CEACAM19: variants seen among roughly 807,000 people sequenced by gnomAD.
The protein encoded by CEACAM19 is cell adhesion molecule CEACAM19.
A neutral mutation model predicts 37.6 loss-of-function variants in CEACAM19; 37 were observed. The observed-to-expected ratio is 0.98, with a 90% CI of 0.76 to 1.29. The LOEUF is 1.29. Among genes scored for constraint, CEACAM19 ranks in the 50% most tolerant of loss-of-function variants. The pLI, the probability that CEACAM19 is intolerant of heterozygous loss-of-function variation, is 0.00. For synonymous variants in CEACAM19, 140 were observed against 149.8 expected, an observed-to-expected ratio of 0.93 and a Z score of 0.48; for missense variants, 340 against 375.6, an observed-to-expected ratio of 0.91 and a Z score of 0.78.
intron 2 of CEACAM19, 32 bp from the exon 3 acceptor site, chr19:44,676,239 C>G (rs1973946265): frequency 6.2e-7 from 1 of 1,609,598 alleles, no homozygotes; most frequent in South Asian, 1.1e-5. Context: ...TCGCACAGTC[C>G]CCCCTCTCTC....
chr19:44,676,023 G>A (rs181896100), intron 2 of CEACAM19, among the ~76,000 whole-genome samples: 31 of 151,850 alleles, frequency 2.0e-4, no homozygotes, highest in African/African-American at 5.6e-4. Flanking sequence ...CTCCCCCATC[G>A]GCCTCCCAAA....
Position 44,683,727 on chromosome 19 carries a change from A to G in CEACAM19, c.*237A>G, listed in dbSNP as rs534760629. 16 of 395,436 alleles carry G rather than the reference A, an allele frequency of 4.0e-5. No homozygotes were observed. The South Asian group carries it at 1.4e-3, about 35-fold the overall frequency. The allele number at this position is 395,436 out of a possible 1,614,324, so 24.5% of individuals were successfully genotyped here. A position where few individuals can be genotyped will look rare whatever the true frequency, so the allele number is the denominator to read the frequency against. ...CGCCCGCCTTCGGTCTGTTCCTTCA[A>G]GCAAGCTGGCCTGGGCCATGTGCCT... is the stretch of plus-strand genomic sequence containing the variant. On this transcript the variant is annotated 3_prime_UTR_variant, in exon 8 of 8. Transcript: ENST00000358777.
At chr19:44,669,513 T>C (rs62119321), upstream of CEACAM19, among the ~76,000 whole-genome samples, 2,119 of 152,068 alleles carry the variant, frequency 0.014, 28 homozygotes, top group Non-Finnish European at 0.024. Flanking sequence ...GCTCTGTTGA[T>C]CCAACCAACA....
chr19:44,674,318 A>AT (rs529395479), intron 2 of CEACAM19, among the ~76,000 whole-genome samples: 4,060 of 143,436 alleles, frequency 0.028, 69 homozygotes, highest in Non-Finnish European at 0.037. Context: ...GTATGCCCTT[A>AT]TTTTTTTTTT....
chr19:44,667,801 AT>A (rs1973755109), upstream of CEACAM19, among the ~76,000 whole-genome samples: 1 of 72,346 alleles, frequency 1.4e-5, no homozygotes, highest in African/African-American at 6.0e-5. Context: ...TATAAATTAT[AT>A]AATTTATATA....
chr19:44,675,040 T>A (rs1302821218), intron 2 of CEACAM19, among the ~76,000 whole-genome samples: 4 of 152,120 alleles, frequency 2.6e-5, no homozygotes. Context: ...TGCCTCAGTT[T>A]CCTTATCTGT....
chr19:44,680,020 G>A (rs950601905), intron 4 of CEACAM19, among the ~76,000 whole-genome samples: 1 of 152,196 alleles, frequency 6.6e-6, no homozygotes, highest in Non-Finnish European at 1.5e-5. Context: ...GGTGGATGAA[G>A]CAGGATCATT....
chr19:44,679,118 A>G (rs1189658397), intron 4 of CEACAM19, among the ~76,000 whole-genome samples, 182 bp downstream of exon 4: 2 of 151,770 alleles, frequency 1.3e-5, no homozygotes, highest in Non-Finnish European at 2.9e-5. Flanking sequence ...CGAGTCTCCC[A>G]AGTAGCTGGG....
chr19:44,680,466 G>A (rs1974036711), intron 5 of CEACAM19, 132 bp downstream of exon 5: 7 of 794,134 alleles, frequency 8.8e-6, no homozygotes, highest in African/African-American at 1.7e-5. Flanking sequence ...ACCTCTCTGG[G>A]GCCCCCTGAA....
chr19:44,667,657 T>C (rs185046846), upstream of CEACAM19, among the ~76,000 whole-genome samples: 412 of 91,696 alleles, frequency 4.5e-3, 2 homozygotes, highest in Middle Eastern at 0.01. Flanking sequence ...ATTATATAGA[T>C]ATATAAATAT....
Position 44,675,709 on chromosome 19 carries a change from C to T in CEACAM19, c.425-562C>T, listed in dbSNP as rs59792314. On this transcript the variant is annotated intron_variant, in intron 2 of 7. Transcript: ENST00000358777. ...ACTGAGGTGGGAGGATGGCTTAAGC[C>T]GAGGAGTTGGAGGCTGCAGTGAACC... Among the ~76,000 whole-genome samples the T allele has an allele frequency of 6.4e-3, 967 of 151,706 alleles. 6 individuals carry two copies. The highest frequency in any genetic ancestry group is 0.023 in the African/African-American group (931 of 41,318).
chr19:44,668,109 TATATA>T (rs1298549081), upstream of CEACAM19, among the ~76,000 whole-genome samples: 1 of 87,486 alleles, frequency 1.1e-5, no homozygotes, highest in East Asian at 3.5e-4. Flanking sequence ...TATAATATTT[TATATA>T]ATATGTTATA....
chr19:44,677,422 C>T lies in CEACAM19; in HGVS notation c.575+1001C>T, dbSNP rs77329510. On this transcript the variant is annotated intron_variant, in intron 3 of 7. Transcript: ENST00000358777. ...AGCAGGCACAGCTATCAGATGCTAC[C>T]TACTTGTATGGAGAGAGAGAGAGAG... is the stretch of plus-strand genomic sequence containing the variant. Among the ~76,000 whole-genome samples the T allele has an allele frequency of 6.2e-3, 946 of 151,422 alleles. 66 individuals carry two copies. The East Asian group carries it at 0.15, about 25-fold the overall frequency.
intron 6 of CEACAM19, among the ~76,000 whole-genome samples, 167 bp downstream of exon 6, chr19:44,681,479 A>G (rs371520810): frequency 5.3e-5 from 8 of 152,320 alleles, no homozygotes; most frequent in African/African-American, 1.4e-4. Context: ...CTGGAAGGAA[A>G]CAGCACAACA....
intron 2 of CEACAM19, among the ~76,000 whole-genome samples, chr19:44,674,920 GC>G (rs1804030142): frequency 6.6e-6 from 1 of 152,108 alleles, no homozygotes; most frequent in Non-Finnish European, 1.5e-5. Context: ...GGTCACAGGT[GC>G]CCCCTTTGGA....
chr19:44,678,036 T>A (rs970076050), intron 3 of CEACAM19: 1 of 152,208 alleles, frequency 6.6e-6, no homozygotes, highest in African/African-American at 2.4e-5. Context: ...TGGAGTGCAG[T>A]GGCATGATCA....
In CEACAM19 at chr19:44,683,833, C is replaced by T. The variant is rs1170038386; in HGVS notation, c.*343C>T. 1 of 250,998 alleles carries T rather than the reference C, an allele frequency of 4.0e-6. No homozygotes were observed. The highest frequency in any genetic ancestry group is 2.2e-5 in the African/African-American group (1 of 44,942). The allele number at this position is 250,998 out of a possible 1,614,324, so 15.5% of individuals were successfully genotyped here. ...CTGGGGACAAGATGGTGGCCTCAGG[C>T]CTGCCTCCCAGGCAGTTGGCTGGGC... On this transcript the variant is annotated 3_prime_UTR_variant, in exon 8 of 8. Transcript: ENST00000358777.
At chr19:44,682,529 G>A (rs1472031377) in intron 6 of CEACAM19, 38 bp from the exon 7 acceptor site, 2 of 1,560,438 alleles carry the variant, frequency 1.3e-6, no homozygotes, top group Admixed American at 3.8e-5. Flanking sequence ...AGGGTGGGGG[G>A]TGCCGAGCGC....
rs1369721194 is a variant in CEACAM19 at position 44,671,648 on chromosome 19, G to GA, written c.-283dup. ...GACTGCTGTTGTAGTCACGCTGAGT[G>GA]AGAAAAAGAGGTTGAAGAGGGTCAG... On this transcript the variant is annotated 5_prime_UTR_variant, in exon 1 of 8. It introduces an in-frame stop codon into an upstream open reading frame of the 5' UTR. Transcript: ENST00000358777. The GA allele has an allele frequency of 6.4e-6, 3 of 469,838 alleles. No individual in the cohort carries two copies. The highest frequency in any genetic ancestry group is 5.8e-5 in the African/African-American group (3 of 51,984). The allele number at this position is 469,838 out of a possible 1,614,324, so 29.1% of individuals were successfully genotyped here. A position where few individuals can be genotyped will look rare whatever the true frequency, so the allele number is the denominator to read the frequency against.
Sources: allele counts gnomAD v4.1 joint callset (sites outside exome capture counted in the v4.1 genomes callset), GRCh38; gene constraint gnomAD v4.1.1; transcripts MANE v1.5; gene names NCBI Gene and HGNC (gene_info 2026-07-23, HGNC 2026-07-21).